NDNF: variants seen among roughly 807,000 people sequenced by gnomAD.
NDNF encodes the protein protein NDNF.
NDNF carries 16 observed loss-of-function variants against 42.0 expected under a neutral mutation model. That is an observed-to-expected ratio of 0.38 (90% confidence interval 0.26 to 0.58). The LOEUF (loss-of-function observed/expected upper bound fraction) is 0.58. Among genes scored for constraint, NDNF ranks in the 20% least tolerant of loss-of-function variants. NDNF has a pLI of 0.67. For missense variants in NDNF, 616 were observed against 666.2 expected, an observed-to-expected ratio of 0.92 and a Z score of 0.83; for synonymous variants, 248 against 251.7, an observed-to-expected ratio of 0.99 and a Z score of 0.14.
chr4:121,040,620 AT>A (rs1197475336), intron 2 of NDNF, among the ~76,000 whole-genome samples: 51 of 152,160 alleles, frequency 3.4e-4, no homozygotes, highest in Non-Finnish European at 1.3e-4. Flanking sequence ...AGTGACTTTT[AT>A]TCACAGCTTT....
intron 2 of NDNF, among the ~76,000 whole-genome samples, chr4:121,045,158 C>T (rs1727066664): frequency 6.6e-6 from 1 of 152,104 alleles, no homozygotes; most frequent in South Asian, 2.1e-4. Flanking sequence ...CGAGACTATC[C>T]CGGCTAACAT....
At chr4:121,070,145 A>G (rs915829770) in intron 1 of NDNF, among the ~76,000 whole-genome samples, 1 of 152,218 alleles carries the variant, frequency 6.6e-6, no homozygotes, top group Non-Finnish European at 1.5e-5. Context: ...CCACTGTAAT[A>G]AGAGACTGAC....
At chr4:121,056,349 C>T (rs909912893) in intron 1 of NDNF, among the ~76,000 whole-genome samples, 4 of 152,196 alleles carry the variant, frequency 2.6e-5, no homozygotes, top group Non-Finnish European at 5.9e-5. Flanking sequence ...AAGGAAGTGA[C>T]TGGCAGCGTC....
chr4:121,041,013 CT>C (rs577723693), intron 2 of NDNF, among the ~76,000 whole-genome samples: 155 of 152,282 alleles, frequency 1.0e-3, no homozygotes, highest in African/African-American at 3.4e-3. Flanking sequence ...GTAAAGAGCA[CT>C]GTGTCAGTCA....
At chr4:121,051,445 C>T (rs1727192829) in intron 1 of NDNF, among the ~76,000 whole-genome samples, 1 of 152,034 alleles carries the variant, frequency 6.6e-6, no homozygotes, top group African/African-American at 2.4e-5. Flanking sequence ...ATATCTTTTT[C>T]CCACAAACCT....
chr4:121,066,955 T>A (rs1407855025), intron 1 of NDNF, among the ~76,000 whole-genome samples: 2 of 152,222 alleles, frequency 1.3e-5, no homozygotes, highest in Non-Finnish European at 2.9e-5. Flanking sequence ...ACAGTCTCCA[T>A]TTACTTCAGC....
At chr4:121,049,178 A>T (rs1456118227) in intron 1 of NDNF, among the ~76,000 whole-genome samples, 2 of 152,220 alleles carry the variant, frequency 1.3e-5, no homozygotes, top group African/African-American at 4.8e-5. Flanking sequence ...TATGCAGAGT[A>T]AGTGTTGGGA....
At chr4:121,050,567 T>C (rs145600903) in intron 1 of NDNF, among the ~76,000 whole-genome samples, 1 of 152,338 alleles carries the variant, frequency 6.6e-6, no homozygotes, top group East Asian at 1.9e-4. Context: ...GTTGCTAGGA[T>C]AATTCCAAAT....
At chr4:121,054,272 G>C (rs1401404279) in intron 1 of NDNF, among the ~76,000 whole-genome samples, 1 of 152,122 alleles carries the variant, frequency 6.6e-6, no homozygotes, top group Non-Finnish European at 1.5e-5. Context: ...ATCTATTTAT[G>C]GGGCAAAATG....
At chr4:121,057,962 TCTG>T (rs1405576444) in intron 1 of NDNF, among the ~76,000 whole-genome samples, 2 of 152,216 alleles carry the variant, frequency 1.3e-5, no homozygotes, top group Non-Finnish European at 2.9e-5. Context: ...ATTACAGTCC[TCTG>T]GTGAAACCAA....
intron 1 of NDNF, among the ~76,000 whole-genome samples, chr4:121,064,674 TGGTCTGA>T (rs1156490132): frequency 3.9e-5 from 6 of 152,196 alleles, no homozygotes; most frequent in African/African-American, 7.2e-5. Flanking sequence ...CAGTAATGTG[TGGTCTGA>T]GGTCTGAGGT....
At chr4:121,069,850 A>C (rs778825383) in intron 1 of NDNF, among the ~76,000 whole-genome samples, 2 of 152,222 alleles carry the variant, frequency 1.3e-5, no homozygotes, top group Non-Finnish European at 2.9e-5. Context: ...GTTTAAACTC[A>C]TAAGAGTCAC....
chr4:121,070,920 C>T (rs1188719552), intron 1 of NDNF, among the ~76,000 whole-genome samples: 2 of 152,130 alleles, frequency 1.3e-5, no homozygotes, highest in Non-Finnish European at 2.9e-5. Context: ...GTAGAGGTGC[C>T]CGCGGCAAAC....
chr4:121,064,863 T>G (rs1727473217), intron 1 of NDNF, among the ~76,000 whole-genome samples: 1 of 152,198 alleles, frequency 6.6e-6, no homozygotes, highest in Non-Finnish European at 1.5e-5. Flanking sequence ...ATTGTACATT[T>G]CAAATCTTTT....
chr4:121,063,313 T>C (rs1460913802), intron 1 of NDNF, among the ~76,000 whole-genome samples: 8 of 152,218 alleles, frequency 5.3e-5, no homozygotes, highest in African/African-American at 1.9e-4. Flanking sequence ...TAATAAACTT[T>C]TGAGTTATTT....
chr4:121,067,517 T>C (rs1727520689), intron 1 of NDNF, among the ~76,000 whole-genome samples: 1 of 152,240 alleles, frequency 6.6e-6, no homozygotes, highest in Non-Finnish European at 1.5e-5. Context: ...TGAAAGTTTC[T>C]ATACTTTTCT....
intron 1 of NDNF, among the ~76,000 whole-genome samples, chr4:121,064,589 G>A (rs1484290622): frequency 6.6e-6 from 1 of 152,078 alleles, no homozygotes; most frequent in African/African-American, 2.4e-5. Flanking sequence ...ACAAATAACA[G>A]AATAATATTG....
At chr4:121,070,346 C>A (rs1004671717) in intron 1 of NDNF, among the ~76,000 whole-genome samples, 5 of 152,220 alleles carry the variant, frequency 3.3e-5, no homozygotes, top group Non-Finnish European at 7.3e-5. Flanking sequence ...AAATCCCCTG[C>A]AACCGCTCCC....
intron 1 of NDNF, among the ~76,000 whole-genome samples, chr4:121,071,106 C>G (rs2148774550): frequency 6.6e-6 from 1 of 152,300 alleles, no homozygotes; most frequent in East Asian, 1.9e-4. Context: ...TGCAATCACT[C>G]GTTCGGACTC....
Sources: gnomAD v4.1 joint callset for allele counts (sites outside exome capture counted in the v4.1 genomes callset) on GRCh38, gnomAD v4.1.1 for gene constraint, MANE v1.5 for transcripts, NCBI Gene and HGNC (gene_info 2026-07-23, HGNC 2026-07-21) for gene names.